The following TTPA variants were observed in gnomAD, a reference collection of about 807,000 sequenced individuals.
TTPA encodes alpha tocopherol transfer protein, also known as alpha-tocopherol transfer protein.
TTPA carries 23 observed loss-of-function variants against 25.9 expected under a neutral mutation model. That is an observed-to-expected ratio of 0.89 (90% CI 0.64 to 1.26). The LOEUF (loss-of-function observed/expected upper bound fraction) is 1.26, where lower values mean the gene tolerates loss of function less well. Ranked by LOEUF, TTPA falls within the 50% of genes most tolerant of loss-of-function variation. The pLI is 0.00. For synonymous variants in TTPA, 148 were observed against 137.3 expected (o/e 1.08, Z -0.54); for missense variants, 337 against 353.1 (o/e 0.95, Z 0.37).
rs1277659545 is a variant in TTPA at position 63,085,956 on chromosome 8, C to A, written c.66G>T (p.Pro22=). The A allele has an allele frequency of 2.0e-6, 3 of 1,525,574 alleles. No homozygotes were observed. The highest frequency in any genetic ancestry group is 2.6e-6 in the Non-Finnish European group (3 of 1,144,762). The allele number at this position is 1,525,574 out of a possible 1,614,324, so 94.5% of individuals were successfully genotyped here. A position where few individuals can be genotyped will look rare whatever the true frequency, so the allele number is the denominator to read the frequency against. The change falls in exon 1 of 5, where the codon CCG becomes CCT. Residue 22 remains proline (P), a synonymous_variant. Transcript: ENST00000260116. ...PQLNALPDHS[P]LLQPGLAALR... ...GCGCCGCCAGGCCCGGCTGCAGCAA[C>A]GGAGAGTGGTCCGGTAGCGCGTTGA...
At chr8:63,067,216 A>C (rs1244005534) in intron 2 of TTPA, among the ~76,000 whole-genome samples, 1 of 152,202 alleles carries the variant, frequency 6.6e-6, no homozygotes, top group African/African-American at 2.4e-5. Flanking sequence ...GATAAGATAA[A>C]TGCTGGAAAA....
Position 63,072,990 on chromosome 8 carries a change from A to C in TTPA, c.303T>G (p.His101Gln), listed in dbSNP as rs121917849. ...TGGGATCCCTGGATCTCAGGACTCC[A>C]TGGTAGCCAGCCTTTAGGAGGCCAA... ...SIIGLLKAGYHGVLRSRDPTG... is the reference protein window; with the variant it reads ...SIIGLLKAGYQGVLRSRDPTG... Residue 101 changes from histidine (H) to glutamine (Q), a missense_variant, in exon 2 of 5, where the codon CAT (histidine) becomes CAG (glutamine). Coordinates refer to ENST00000260116, the MANE Select transcript of TTPA (RefSeq NM_000370.3). 5 of 1,614,100 alleles carry C rather than the reference A, an allele frequency of 3.1e-6. No homozygotes were observed. In the East Asian group the frequency reaches 1.1e-4, roughly 36 times the overall value.
At chr8:63,082,079 T>A (rs1004315125) in intron 1 of TTPA, among the ~76,000 whole-genome samples, 1 of 152,164 alleles carries the variant, frequency 6.6e-6, no homozygotes, top group South Asian at 2.1e-4. Context: ...AGGTAATTTA[T>A]AGATTCAATG....
chr8:63,078,508 T>G (rs1015841874), intron 1 of TTPA, among the ~76,000 whole-genome samples: 1 of 152,152 alleles, frequency 6.6e-6, no homozygotes, highest in African/African-American at 2.4e-5. Context: ...CGGATGGAAC[T>G]GAAAAGCCTG....
intron 1 of TTPA, among the ~76,000 whole-genome samples, chr8:63,079,667 A>C (rs1014251716): frequency 1.6e-4 from 25 of 152,296 alleles, no homozygotes; most frequent in African/African-American, 5.5e-4. Context: ...CAGATTCTTA[A>C]AGCAAGTCCT....
chr8:63,079,761 T>C (rs1455203038), intron 1 of TTPA, among the ~76,000 whole-genome samples: 2 of 152,078 alleles, frequency 1.3e-5, no homozygotes, highest in African/African-American at 4.8e-5. Flanking sequence ...GACAGATCAA[T>C]GAGACAGAAG....
At chr8:63,061,741 G>A (rs945891601) in intron 4 of TTPA, among the ~76,000 whole-genome samples, 6 of 152,088 alleles carry the variant, frequency 3.9e-5, no homozygotes, top group Non-Finnish European at 4.4e-5. Flanking sequence ...ATTCCCTTAT[G>A]TGCAAGTGAT....
chr8:63,079,710 C>A (rs1371589198), intron 1 of TTPA, among the ~76,000 whole-genome samples: 1 of 152,116 alleles, frequency 6.6e-6, no homozygotes, highest in Non-Finnish European at 1.5e-5. Flanking sequence ...GACTCCCACA[C>A]AATAATAATG....
At position 63,061,020 on chromosome 8, in the gene TTPA, A is replaced by G; in HGVS notation, c.*232T>C. 2.2e-6 allele frequency: 1 copy of G among 447,942 alleles called. No homozygotes were observed. The highest frequency in any genetic ancestry group is 4.0e-6 in the Non-Finnish European group (1 of 247,682). The allele number at this position is 447,942 out of a possible 1,614,324, so 27.7% of individuals were successfully genotyped here. On this transcript the variant is annotated 3_prime_UTR_variant, in exon 5 of 5. Coordinates refer to ENST00000260116, the MANE Select transcript of TTPA (RefSeq NM_000370.3). ...TTCAAGTACAAAATCGCCGATTTTT[A>G]TGCTCTTAAAATGTACTGACATTTA...
intron 1 of TTPA, among the ~76,000 whole-genome samples, chr8:63,078,146 C>G (rs191714461): frequency 6.6e-6 from 1 of 152,288 alleles, no homozygotes; most frequent in East Asian, 1.9e-4. Flanking sequence ...CCAACATCAA[C>G]AAAAAGAACA....
intron 4 of TTPA, among the ~76,000 whole-genome samples, chr8:63,061,780 T>C (rs1014678409): frequency 2.0e-5 from 3 of 152,248 alleles, no homozygotes; most frequent in African/African-American, 7.2e-5. Flanking sequence ...TTGGGACTAT[T>C]CTATACACGA....
chr8:63,067,753 G>A (rs540039378), intron 2 of TTPA, among the ~76,000 whole-genome samples: 9 of 152,120 alleles, frequency 5.9e-5, no homozygotes, highest in Admixed American at 1.3e-4. Context: ...GTTTTTCAAC[G>A]CTTGCTCCCC....
chr8:63,082,623 A>G (rs1032426887), intron 1 of TTPA, among the ~76,000 whole-genome samples: 8 of 152,234 alleles, frequency 5.3e-5, no homozygotes, highest in African/African-American at 1.9e-4. Flanking sequence ...AATGGCAACA[A>G]AAGCCAAAAC....
chr8:63,075,698 C>CAAAAAAAAAA (rs751066913), intron 1 of TTPA, among the ~76,000 whole-genome samples: 11 of 56,920 alleles, frequency 1.9e-4, no homozygotes, highest in Non-Finnish European at 2.9e-4. Flanking sequence ...GACTCCGTCT[C>CAAAAAAAAAA]AAAAAAAAAA....
intron 1 of TTPA, among the ~76,000 whole-genome samples, chr8:63,076,549 A>G (rs1323999241): frequency 6.6e-6 from 1 of 152,232 alleles, no homozygotes; most frequent in Non-Finnish European, 1.5e-5. Flanking sequence ...CAGTCCTGCT[A>G]GCCAATTCCT....
At chr8:63,068,628 A>C (rs1015807697) in intron 2 of TTPA, among the ~76,000 whole-genome samples, 1 of 151,810 alleles carries the variant, frequency 6.6e-6, no homozygotes, top group Non-Finnish European at 1.5e-5. Flanking sequence ...AAGGAGGGAG[A>C]GTTTTGTGGA....
chr8:63,076,200 T>A (rs1258425262), intron 1 of TTPA, among the ~76,000 whole-genome samples: 1 of 152,176 alleles, frequency 6.6e-6, no homozygotes, highest in African/African-American at 2.4e-5. Flanking sequence ...AGATAATCCA[T>A]GAAAACCCTA....
chr8:63,077,452 A>C (rs148900410), intron 1 of TTPA, among the ~76,000 whole-genome samples: 10,306 of 152,314 alleles, frequency 0.068, 644 homozygotes, highest in African/African-American at 0.16. Context: ...GGACACTTCC[A>C]CCCAAATACT....
chr8:63,065,877 T>C, intron 3 of TTPA, 27 bp downstream of exon 3: 3 of 1,609,300 alleles, frequency 1.9e-6, no homozygotes, highest in Non-Finnish European at 2.6e-6. Flanking sequence ...GGAAGTATTA[T>C]GCCTGACAGT....
Sources: gnomAD v4.1 joint callset for allele counts (sites outside exome capture counted in the v4.1 genomes callset) on GRCh38, gnomAD v4.1.1 for gene constraint, MANE v1.5 for transcripts, NCBI Gene and HGNC (gene_info 2026-07-23, HGNC 2026-07-21) for gene names.